Variants in MTUS1 observed in about 807,000 individuals in gnomAD.
MTUS1 encodes microtubule associated scaffold protein 1.
A neutral mutation model predicts 120.8 loss-of-function variants in MTUS1; 109 were observed. That is an observed-to-expected ratio of 0.90 (90% CI 0.77 to 1.06). The LOEUF is 1.06. Ranked by LOEUF, MTUS1 falls within the 50% of genes least tolerant of loss-of-function variation. The pLI, the probability that MTUS1 is intolerant of heterozygous loss-of-function variation, is 0.00. For missense variants in MTUS1, 2,210 were observed against 1,486.3 expected (o/e 1.49, Z -8.01); for synonymous variants, 737 against 550.5 (o/e 1.34, Z -4.74).
intron 1 of MTUS1, among the ~76,000 whole-genome samples, chr8:17,773,081 TTA>T (rs2050134737): frequency 6.6e-6 from 1 of 152,170 alleles, no homozygotes; most frequent in Non-Finnish European, 1.5e-5. Context: ...AGATGTTAAT[TTA>T]GGCTGAAGGA....
At chr8:17,714,345 T>A (rs138671828) in intron 5 of MTUS1, among the ~76,000 whole-genome samples, 128 of 152,246 alleles carry the variant, frequency 8.4e-4, no homozygotes, top group African/African-American at 2.8e-3. Context: ...GAGAGAGACA[T>A]GTTAAGGAGG....
chr8:17,646,721 T>C (rs938649502), intron 14 of MTUS1, among the ~76,000 whole-genome samples: 1 of 152,224 alleles, frequency 6.6e-6, no homozygotes, highest in Non-Finnish European at 1.5e-5. Flanking sequence ...TGTGTTGCTC[T>C]TTGTCTGAAA....
intron 1 of MTUS1, among the ~76,000 whole-genome samples, chr8:17,763,997 A>G (rs2049257945): frequency 6.6e-6 from 1 of 152,204 alleles, no homozygotes; most frequent in Non-Finnish European, 1.5e-5. Flanking sequence ...CCCTCCTTGG[A>G]GGATTAGTGC....
intron 7 of MTUS1, among the ~76,000 whole-genome samples, chr8:17,677,339 A>T (rs1292193015): frequency 6.6e-6 from 1 of 152,224 alleles, no homozygotes; most frequent in Non-Finnish European, 1.5e-5. Flanking sequence ...AAAACAAGAC[A>T]GCTTTACTAA....
chr8:17,756,671 A>AACCCCCC (rs2048636698), intron 1 of MTUS1, among the ~76,000 whole-genome samples: 26 of 117,524 alleles, frequency 2.2e-4, no homozygotes, highest in South Asian at 3.9e-4. Context: ...TCAAGCCCAA[A>AACCCCCC]CCCCCACCCC....
At chr8:17,736,734 G>A (rs2046959771) in intron 3 of MTUS1, among the ~76,000 whole-genome samples, 1 of 151,860 alleles carries the variant, frequency 6.6e-6, no homozygotes, top group African/African-American at 2.4e-5. Flanking sequence ...ACAGGCACCG[G>A]CCACCAAACC....
intron 8 of MTUS1, chr8:17,674,439 CAG>C (rs1057343556): frequency 6.1e-6 from 6 of 979,992 alleles, no homozygotes; most frequent in Non-Finnish European, 7.3e-6. Context: ...GAAAAAGAAA[CAG>C]AAAAGAGAAA....
In MTUS1 at chr8:17,791,771, C is replaced by T. The variant is rs147842076; in HGVS notation, c.-155+9290G>A. Reference sequence around the variant, plus strand: ...AGAATTTAACTCCCAACCGACAGCACCAGCAGATCCAAGCAACACCTCCAA... The same window carrying T: ...AGAATTTAACTCCCAACCGACAGCATCAGCAGATCCAAGCAACACCTCCAA... On this transcript the variant is annotated intron_variant, in intron 1 of 14. Coordinates refer to ENST00000693296, the MANE Select transcript of MTUS1 (RefSeq NM_001363059.2). 8.7e-4 allele frequency among the ~76,000 whole-genome samples: 132 copies of T among 152,238 alleles called. No individual in the cohort carries two copies. In the East Asian group the frequency reaches 0.018, roughly 21 times the overall value.
intron 1 of MTUS1, among the ~76,000 whole-genome samples, chr8:17,767,331 G>T (rs1412893166): frequency 1.3e-5 from 2 of 151,692 alleles, no homozygotes; most frequent in African/African-American, 2.4e-5. Context: ...GGCCAATTTT[G>T]ATATATGAAT....
At chr8:17,662,329 A>T (rs1216797856) in intron 8 of MTUS1, among the ~76,000 whole-genome samples, 1 of 151,464 alleles carries the variant, frequency 6.6e-6, no homozygotes, top group Non-Finnish European at 1.5e-5. Context: ...ACACAAAGTC[A>T]AAGTAGTCTT....
Position 17,754,294 on chromosome 8 carries a change from G to A in MTUS1, c.1514C>T (p.Pro505Leu). The change falls in exon 2 of 15, where the codon CCA (proline) becomes CTA (leucine). Residue 505 changes from proline (P) to leucine (L), a missense_variant. By Grantham distance (98) the Pro-to-Leu change is moderately conservative. Coordinates refer to ENST00000693296, the MANE Select transcript of MTUS1 (RefSeq NM_001363059.2). ...TTTTGCTTTGACATTCTTGAAGTTT[G>A]GTCTTGGGTAACTTATAATTTCAGT... ...RKTEIISYPR[P>L]NFKNVKAKVM... 6.2e-7 allele frequency: 1 copy of A among 1,613,956 alleles called. No homozygotes were observed. The highest frequency in any genetic ancestry group is 2.2e-5 in the East Asian group (1 of 44,860).
intron 8 of MTUS1, among the ~76,000 whole-genome samples, chr8:17,658,794 T>A (rs1247624905): frequency 1.3e-5 from 2 of 152,152 alleles, no homozygotes; most frequent in African/African-American, 2.4e-5. Context: ...ACTTGTTATC[T>A]CAGGAACCTG....
Position 17,771,988 on chromosome 8 carries a change from T to C in MTUS1, c.-154-16027A>G, listed in dbSNP as rs533144829. Among the ~76,000 whole-genome samples, 142 of 152,344 alleles carry C rather than the reference T, an allele frequency of 9.3e-4. 1 individual carries two copies. Among genetic ancestry groups the C allele is most frequent in the Middle Eastern group, 6.8e-3 (2 of 294 alleles). ...CCATTTACATTAAAGATGATGGCCA[T>C]GGTGGCCCAGAATTGTGCAGGGTAG... is the stretch of plus-strand genomic sequence containing the variant. On this transcript the variant is annotated intron_variant, in intron 1 of 14. Transcript: ENST00000693296.
At position 17,700,467 on chromosome 8, in the gene MTUS1, C is replaced by CA. The variant is rs565414052; in HGVS notation, c.2623+12746dup. Among the ~76,000 whole-genome samples the CA allele has an allele frequency of 9.2e-3, 674 of 73,456 alleles. 34 individuals carry two copies. Among genetic ancestry groups the CA allele is most frequent in the Middle Eastern group, 0.045 (4 of 88 alleles). 48.2% of individuals were successfully genotyped at this position (73,456 alleles called of 152,430 possible). On this transcript the variant is annotated intron_variant, in intron 6 of 14. Coordinates refer to ENST00000693296, the MANE Select transcript of MTUS1 (RefSeq NM_001363059.2). ...CCTGGGCAATAAGAGCAAAACTCCT[C>CA]AAAAAAAAAAAAAAGATGAGTCTTT...
At chr8:17,765,803 T>C (rs1030367480) in intron 1 of MTUS1, among the ~76,000 whole-genome samples, 1 of 151,760 alleles carries the variant, frequency 6.6e-6, no homozygotes, top group Non-Finnish European at 1.5e-5. Flanking sequence ...CAGTATACTC[T>C]CAATTTTCTC....
chr8:17,703,695 G>A (rs957798724), intron 6 of MTUS1, among the ~76,000 whole-genome samples: 4 of 151,434 alleles, frequency 2.6e-5, no homozygotes, highest in Non-Finnish European at 5.9e-5. Flanking sequence ...GTACCCTCAG[G>A]CTTACTAGGA....
In MTUS1 at chr8:17,704,220, T is replaced by G. The variant is rs1023065986; in HGVS notation, c.2623+8994A>C. On this transcript the variant is annotated intron_variant, in intron 6 of 14. Transcript: ENST00000693296. ...TTATCAGACGTATGGTTTGCAAATG[T>G]TTTCTCCTATCTCATAGGCTGCCTT... 3 of 152,184 alleles carry G rather than the reference T, an allele frequency of 2.0e-5. No individual in the cohort carries two copies. In the South Asian group the frequency reaches 6.2e-4, roughly 32 times the overall value. The allele number at this position is 152,184 out of a possible 1,614,324, so 9.4% of individuals were successfully genotyped here. A position where few individuals can be genotyped will look rare whatever the true frequency, so the allele number is the denominator to read the frequency against.
At position 17,660,163 on chromosome 8, in the gene MTUS1, A is replaced by C. The variant is rs563262775; in HGVS notation, c.2906-4098T>G. ...CAAGGCAAGCAGATCGCTTGAGTTC[A>C]GGAGTTCGAGACCAGCCTGGCCAAC... On this transcript the variant is annotated intron_variant, in intron 8 of 14. Coordinates refer to ENST00000693296, the MANE Select transcript of MTUS1 (RefSeq NM_001363059.2). Among the ~76,000 whole-genome samples, 11 of 152,262 alleles carry C rather than the reference A, an allele frequency of 7.2e-5. 1 individual carries two copies. The South Asian group carries it at 2.3e-3, about 32-fold the overall frequency.
rs1350544123 is a variant in MTUS1 at position 17,723,822 on chromosome 8, A to G, written c.2299T>C (p.Ser767Pro). Residue 767 changes from serine (S) to proline (P), a missense_variant, in exon 4 of 15, where the codon TCC becomes CCC. Coordinates refer to ENST00000693296, the MANE Select transcript of MTUS1 (RefSeq NM_001363059.2). ...RRVSSSGKPT[S>P]LKTAQSSWVN... ...CATGACGACTGTGCAGTTTTCAAGG[A>G]TGTAGGCTTTCCTTGGGGTTTAAAA... The G allele has an allele frequency of 6.4e-7, 1 of 1,572,094 alleles. No homozygotes were observed. Among genetic ancestry groups the G allele is most frequent in the East Asian group, 2.2e-5 (1 of 44,502 alleles).
Sources: gnomAD v4.1 joint callset for allele counts (sites outside exome capture counted in the v4.1 genomes callset) on GRCh38, gnomAD v4.1.1 for gene constraint, MANE v1.5 for transcripts, NCBI Gene and HGNC (gene_info 2026-07-23, HGNC 2026-07-21) for gene names.